The following ADAMTS16 variants were observed in gnomAD, a reference collection of about 807,000 sequenced individuals.
ADAMTS16 encodes the protein A disintegrin and metalloproteinase with thrombospondin motifs 16.
A neutral mutation model predicts 145.8 loss-of-function variants in ADAMTS16; 94 were observed. That is an observed-to-expected ratio of 0.64 (90% CI 0.55 to 0.77). The LOEUF is 0.77. Among genes scored for constraint, ADAMTS16 ranks in the 30% least tolerant of loss-of-function variants. The probability of loss-of-function intolerance (pLI) is 0.00; values close to 1 mark genes in which losing one functional copy is unlikely to be tolerated. For synonymous variants in ADAMTS16, 659 were observed against 604.3 expected (o/e 1.09, Z -1.33); for missense variants, 1,585 against 1,591.5 (o/e 1.00, Z 0.07).
intron 3 of ADAMTS16, among the ~76,000 whole-genome samples, chr5:5,167,966 G>T (rs908840227): frequency 1.3e-5 from 2 of 152,174 alleles, no homozygotes; most frequent in Admixed American, 1.3e-4. Context: ...ATTTAAATGT[G>T]CATAGCCACA....
At chr5:5,235,827 A>AG (rs1357003587) in intron 13 of ADAMTS16, among the ~76,000 whole-genome samples, 1 of 152,156 alleles carries the variant, frequency 6.6e-6, no homozygotes, top group African/African-American at 2.4e-5. Flanking sequence ...CATTGCCCGA[A>AG]AAAATGACAG....
chr5:5,265,302 G>A (rs145529849), intron 18 of ADAMTS16, among the ~76,000 whole-genome samples: 1 of 152,328 alleles, frequency 6.6e-6, no homozygotes, highest in East Asian at 1.9e-4. Context: ...ACTCACCTTC[G>A]ATCAGCAGAG....
In ADAMTS16 at chr5:5,242,206, G is replaced by T. The variant is rs1179513725; in HGVS notation, c.2662+15G>T. 6.2e-7 allele frequency: 1 copy of T among 1,612,460 alleles called. No individual in the cohort carries two copies. The highest frequency in any genetic ancestry group is 8.5e-7 in the Non-Finnish European group (1 of 1,179,498). On this transcript the variant is annotated intron_variant, in intron 17 of 22. Transcript: ENST00000274181. ...CTGCGGAGGGGGTAGGTGCCTTCCA[G>T]TGCTGCTCCTGGAGGCAGCATGTCA... is the stretch of plus-strand genomic sequence containing the variant.
intron 17 of ADAMTS16, among the ~76,000 whole-genome samples, chr5:5,248,052 T>A (rs1737505162): frequency 6.6e-6 from 1 of 152,250 alleles, no homozygotes; most frequent in Non-Finnish European, 1.5e-5. Flanking sequence ...ATCTAGCACA[T>A]GTGATAGAAA....
At chr5:5,191,876 G>A in intron 8 of ADAMTS16, 86 bp downstream of exon 8, 1 of 975,954 alleles carries the variant, frequency 1.0e-6, no homozygotes, top group African/African-American at 1.6e-5. Flanking sequence ...ATCAAGTCAA[G>A]TCCATGAAGG....
At position 5,184,627 on chromosome 5, in the gene ADAMTS16, A is replaced by T. The variant is rs538089997; in HGVS notation, c.764-1425A>T. 5.9e-5 allele frequency among the ~76,000 whole-genome samples: 9 copies of T among 152,154 alleles called. No homozygotes were observed. In the South Asian group the frequency reaches 1.5e-3, roughly 25 times the overall value. On this transcript the variant is annotated intron_variant, in intron 4 of 22. Coordinates refer to ENST00000274181, the MANE Select transcript of ADAMTS16 (RefSeq NM_139056.4). ...AGGCAGGTTGATTTGCTGAAAACCA[A>T]TAGTGAGGTTGGACCTCAGGCTGAT...
intron 9 of ADAMTS16, among the ~76,000 whole-genome samples, chr5:5,206,769 A>T (rs1736136757): frequency 6.6e-6 from 1 of 152,130 alleles, no homozygotes; most frequent in African/African-American, 2.4e-5. Flanking sequence ...GGTGTGAGCC[A>T]CCGCGCCCGG....
intron 21 of ADAMTS16, among the ~76,000 whole-genome samples, chr5:5,313,570 G>A (rs1222486385): frequency 6.6e-6 from 1 of 152,222 alleles, no homozygotes; most frequent in African/African-American, 2.4e-5. Flanking sequence ...GTGCTGGGCA[G>A]TGTGGGGGGT....
At chr5:5,247,553 T>C (rs1737486342) in intron 17 of ADAMTS16, among the ~76,000 whole-genome samples, 1 of 152,130 alleles carries the variant, frequency 6.6e-6, no homozygotes, top group African/African-American at 2.4e-5. Context: ...TTCTTTCCCA[T>C]TCCCAGAGTC....
chr5:5,203,736 G>A (rs1179250994), intron 9 of ADAMTS16, among the ~76,000 whole-genome samples: 2 of 152,116 alleles, frequency 1.3e-5, no homozygotes, highest in Non-Finnish European at 2.9e-5. Context: ...TGACAACAGG[G>A]ACTCATCTTC....
At chr5:5,155,831 C>A (rs1171856567) in intron 3 of ADAMTS16, among the ~76,000 whole-genome samples, 1 of 151,828 alleles carries the variant, frequency 6.6e-6, no homozygotes, top group Non-Finnish European at 1.5e-5. Flanking sequence ...CAGGAGCTGA[C>A]AAGAAGTCCA....
intron 11 of ADAMTS16, among the ~76,000 whole-genome samples, chr5:5,224,186 G>A (rs16875084): frequency 0.19 from 29,316 of 151,846 alleles, 3,308 homozygotes; most frequent in East Asian, 0.5. Flanking sequence ...CTCGAAGGGC[G>A]TGAAATTGAT....
At chr5:5,141,801 T>C (rs1734175065) in intron 2 of ADAMTS16, among the ~76,000 whole-genome samples, 2 of 152,288 alleles carry the variant, frequency 1.3e-5, no homozygotes, top group South Asian at 4.1e-4. Flanking sequence ...ACACAAATAG[T>C]ATATAAGGTG....
Position 5,185,950 on chromosome 5 carries a change from A to G in ADAMTS16, c.764-102A>G, listed in dbSNP as rs149307866. On this transcript the variant is annotated intron_variant, in intron 4 of 22. Coordinates refer to ENST00000274181, the MANE Select transcript of ADAMTS16 (RefSeq NM_139056.4). Reference sequence around the variant, plus strand: ...TTTAAAGGTTTATGTGGTTTTTATCATGAGTGTTCATTTTTGAGACCAAAT... The same window carrying G: ...TTTAAAGGTTTATGTGGTTTTTATCGTGAGTGTTCATTTTTGAGACCAAAT... The G allele has an allele frequency of 1.9e-5, 18 of 929,704 alleles. 1 individual carries two copies. The African/African-American group carries it at 2.5e-4, about 13-fold the overall frequency. The allele number at this position is 929,704 out of a possible 1,614,324, so 57.6% of individuals were successfully genotyped here.
At position 5,171,456 on chromosome 5, in the gene ADAMTS16, A is replaced by G. The variant is rs548131255; in HGVS notation, c.502-10588A>G. On this transcript the variant is annotated intron_variant, in intron 3 of 22. Transcript: ENST00000274181. ...GCTGAGGTATGTTCCTTCTATACCCAGTGTTTTGATGATTGTTATCATGAA... is the reference window on the plus strand; with the variant it reads ...GCTGAGGTATGTTCCTTCTATACCCGGTGTTTTGATGATTGTTATCATGAA... Among the ~76,000 whole-genome samples, 34 of 152,218 alleles carry G rather than the reference A, an allele frequency of 2.2e-4. No individual in the cohort carries two copies. In the South Asian group the frequency reaches 6.8e-3, roughly 31 times the overall value.
chr5:5,244,604 G>T (rs959537084), intron 17 of ADAMTS16, among the ~76,000 whole-genome samples: 2 of 152,150 alleles, frequency 1.3e-5, no homozygotes, highest in Non-Finnish European at 2.9e-5. Context: ...CAGGTAACTT[G>T]GTTCAAACAG....
chr5:5,234,895 A>G, intron 12 of ADAMTS16, 119 bp from the exon 13 acceptor site: 1 of 592,832 alleles, frequency 1.7e-6, no homozygotes. Context: ...AAAAGAATCC[A>G]CTTTTTTCCT....
intron 3 of ADAMTS16, among the ~76,000 whole-genome samples, chr5:5,169,804 C>T (rs906922188): frequency 3.9e-5 from 6 of 152,110 alleles, no homozygotes; most frequent in Non-Finnish European, 7.3e-5. Flanking sequence ...CATGTGCCCT[C>T]GGGTTCTTGT....
rs774517359 is a variant in ADAMTS16 at position 5,317,247 on chromosome 5, T to C, written c.3412-887T>C. On this transcript the variant is annotated intron_variant, in intron 21 of 22. Coordinates refer to ENST00000274181, the MANE Select transcript of ADAMTS16 (RefSeq NM_139056.4). This position sits in a 1 kb window ranked among gnomAD's most constrained non-coding sequence, Gnocchi z 4.5. ...GAAACCAAGATGTTAAGTCTTTTCA[T>C]GTTTTTCAATCAGAAGGATAACTTG... Among the ~76,000 whole-genome samples, 25 of 152,358 alleles carry C rather than the reference T, an allele frequency of 1.6e-4. No individual in the cohort carries two copies. Among genetic ancestry groups the C allele is most frequent in the Admixed American group, 7.2e-4 (11 of 15,304 alleles).
Sources: gnomAD v4.1 joint callset for allele counts (sites outside exome capture counted in the v4.1 genomes callset) on GRCh38, gnomAD v4.1.1 for gene constraint, Gnocchi (gnomAD v3.1) non-coding constraint, MANE v1.5 for transcripts, NCBI Gene and HGNC (gene_info 2026-07-23, HGNC 2026-07-21) for gene names.